The following SECISBP2L variants were observed in gnomAD, a reference collection of about 807,000 sequenced individuals.
SECISBP2L encodes SECIS binding protein 2 like, also known as selenocysteine insertion sequence-binding protein 2-like.
Under a neutral mutation model 114.7 loss-of-function variants are expected in SECISBP2L, and 43 were observed. The ratio of observed to expected loss-of-function variants is 0.38; its 90% CI spans 0.29 to 0.48. SECISBP2L has a LOEUF of 0.48. SECISBP2L is among the 20% of genes least tolerant of loss of function. The pLI is 0.98. For missense variants in SECISBP2L, 1,136 were observed against 1,301.1 expected, an observed-to-expected ratio of 0.87 and a Z score of 1.95; for synonymous variants, 451 against 439.7, an observed-to-expected ratio of 1.03 and a Z score of -0.32.
At chr15:49,015,211 C>T (rs756160502) in intron 11 of SECISBP2L, among the ~76,000 whole-genome samples, 1 of 152,030 alleles carries the variant, frequency 6.6e-6, no homozygotes, top group Non-Finnish European at 1.5e-5. Flanking sequence ...GATTCCAGGG[C>T]CCCTGCTTTT....
chr15:49,002,072 A>G (rs1902223414), intron 14 of SECISBP2L: 1 of 152,202 alleles, frequency 6.6e-6, no homozygotes, highest in Non-Finnish European at 1.5e-5. Flanking sequence ...TTACACTCAC[A>G]CCAAAAGTGT....
chr15:49,017,665 G>C (rs1259114906), intron 8 of SECISBP2L, 37 bp from the exon 9 acceptor site: 1 of 1,441,428 alleles, frequency 6.9e-7, no homozygotes, highest in African/African-American at 1.4e-5. Flanking sequence ...AAGAGTTCAA[G>C]GCAAACTCCT....
chr15:49,001,210 T>A lies in SECISBP2L; in HGVS notation c.2028-113A>T, dbSNP rs548945712. ...AAATATATATGGTAAGAAGTTTTCA[T>A]GAAAAGTCTCTTAAAGAAGTGTTTA... is the stretch of plus-strand genomic sequence containing the variant. On this transcript the variant is annotated intron_variant, in intron 14 of 17. Coordinates refer to ENST00000559471, the MANE Select transcript of SECISBP2L (RefSeq NM_001193489.2). 3.1e-4 allele frequency: 211 copies of A among 688,648 alleles called. No individual in the cohort carries two copies. The African/African-American group carries it at 3.4e-3, about 11-fold the overall frequency. The allele number at this position is 688,648 out of a possible 1,614,324, so 42.7% of individuals were successfully genotyped here. A position where few individuals can be genotyped will look rare whatever the true frequency, so the allele number is the denominator to read the frequency against.
rs66924521 is a variant in SECISBP2L at position 48,994,111 on chromosome 15, G to GA, written c.2624-1186dup. Among the ~76,000 whole-genome samples, 482 of 141,510 alleles carry GA rather than the reference G, an allele frequency of 3.4e-3. 3 individuals are homozygous for GA. The highest frequency in any genetic ancestry group is 9.4e-3 in the African/African-American group (366 of 38,760). 92.8% of individuals were successfully genotyped at this position (141,510 alleles called of 152,430 possible). A position where few individuals can be genotyped will look rare whatever the true frequency, so the allele number is the denominator to read the frequency against. ...CTTTCCACTGTCATTTCTACCTTAT[G>GA]AAAAAAAAAAAATCACCTCCTCCTA... On this transcript the variant is annotated intron_variant, in intron 17 of 17. Coordinates refer to ENST00000559471, the MANE Select transcript of SECISBP2L (RefSeq NM_001193489.2).
intron 4 of SECISBP2L, 78 bp from the exon 5 acceptor site, chr15:49,028,760 G>T (rs1235460491): frequency 4.1e-6 from 5 of 1,218,466 alleles, no homozygotes; most frequent in Non-Finnish European, 5.9e-6. Flanking sequence ...CATTAAGATT[G>T]TAAGAAAATA....
At chr15:49,016,770 C>T (rs1902545225) in intron 10 of SECISBP2L, 69 bp from the exon 11 acceptor site, 1 of 1,536,150 alleles carries the variant, frequency 6.5e-7, no homozygotes, top group Non-Finnish European at 8.8e-7. Flanking sequence ...AAGATGACTA[C>T]ATTTATCACT....
Position 49,046,345 on chromosome 15 carries a change from G to A in SECISBP2L, c.-46C>T, listed in dbSNP as rs1903251048. The A allele has an allele frequency of 6.8e-7, 1 of 1,467,992 alleles. No homozygotes were observed. Among genetic ancestry groups the A allele is most frequent in the Non-Finnish European group, 9.0e-7 (1 of 1,105,322 alleles). The allele number at this position is 1,467,992 out of a possible 1,614,324, so 90.9% of individuals were successfully genotyped here. ...GCCCGCGCTAGTCGGTGTAAACAGC[G>A]CCTCGGGCCGCTTTCTCCATGGCCC... On this transcript the variant is annotated 5_prime_UTR_variant, in exon 1 of 18. Coordinates refer to ENST00000559471, the MANE Select transcript of SECISBP2L (RefSeq NM_001193489.2).
intron 1 of SECISBP2L, among the ~76,000 whole-genome samples, chr15:49,041,041 T>C (rs937403254): frequency 2.0e-5 from 3 of 152,188 alleles, no homozygotes; most frequent in African/African-American, 4.8e-5. Context: ...CTGTGTTTAG[T>C]CTCTCTACTT....
At chr15:49,024,784 A>C (rs1424194420) in intron 7 of SECISBP2L, among the ~76,000 whole-genome samples, 2 of 152,214 alleles carry the variant, frequency 1.3e-5, no homozygotes, top group African/African-American at 4.8e-5. Flanking sequence ...CTCAAAAATC[A>C]AACAAATCAA....
intron 6 of SECISBP2L, 47 bp downstream of exon 6, chr15:49,028,097 G>T: frequency 6.5e-7 from 1 of 1,527,258 alleles, no homozygotes; most frequent in Non-Finnish European, 8.9e-7. Flanking sequence ...ACTCTGATAT[G>T]GACAAAGTAG....
chr15:49,008,214 G>C (rs1902363019), intron 14 of SECISBP2L, among the ~76,000 whole-genome samples: 1 of 152,182 alleles, frequency 6.6e-6, no homozygotes, highest in South Asian at 2.1e-4. Context: ...GGGAAAATCT[G>C]TGCCTGTTCT....
rs74457912 is a variant in SECISBP2L at position 49,011,399 on chromosome 15, T to C, written c.1864+332A>G. ...CCCTAAAAAGAAAGATAGCCAACAG[T>C]ATTTTGGACGTAAAAGAAAACAAAA... is the stretch of plus-strand genomic sequence containing the variant. On this transcript the variant is annotated intron_variant, in intron 13 of 17. Coordinates refer to ENST00000559471, the MANE Select transcript of SECISBP2L (RefSeq NM_001193489.2). 2.5e-5 allele frequency: 5 copies of C among 200,482 alleles called. No individual in the cohort carries two copies. In the East Asian group the frequency reaches 5.5e-4, roughly 22 times the overall value. The allele number at this position is 200,482 out of a possible 1,614,324, so 12.4% of individuals were successfully genotyped here.
intron 7 of SECISBP2L, among the ~76,000 whole-genome samples, chr15:49,020,164 T>G (rs1902612673): frequency 1.3e-5 from 2 of 152,192 alleles, no homozygotes; most frequent in Admixed American, 1.3e-4. Flanking sequence ...GATATTGCAC[T>G]ATAGTTTTGC....
intron 4 of SECISBP2L, among the ~76,000 whole-genome samples, chr15:49,031,658 A>C (rs8029751): frequency 0.68 from 103,286 of 151,972 alleles, 35,586 homozygotes; most frequent in Middle Eastern, 0.75. Flanking sequence ...TAACTGAAGA[A>C]TAAAAATACT....
At chr15:49,032,855 G>T in intron 4 of SECISBP2L, 110 bp downstream of exon 4, 1 of 1,345,746 alleles carries the variant, frequency 7.4e-7, no homozygotes, top group South Asian at 1.5e-5. Flanking sequence ...CAGGACAAAT[G>T]AAAGGATGAA....
At chr15:49,014,557 T>C (rs1197210949) in intron 11 of SECISBP2L, among the ~76,000 whole-genome samples, 1 of 152,112 alleles carries the variant, frequency 6.6e-6, no homozygotes, top group Non-Finnish European at 1.5e-5. Flanking sequence ...CCCTATCTTG[T>C]GTAGTAACAT....
At chr15:49,045,494 C>T (rs921466439) in intron 1 of SECISBP2L, among the ~76,000 whole-genome samples, 5 of 152,112 alleles carry the variant, frequency 3.3e-5, no homozygotes, top group African/African-American at 4.8e-5. Context: ...GTGGAAAATA[C>T]TGGGGGGGAA....
chr15:49,029,911 T>TC (rs1045162176), intron 4 of SECISBP2L, among the ~76,000 whole-genome samples: 1 of 151,660 alleles, frequency 6.6e-6, no homozygotes, highest in Non-Finnish European at 1.5e-5. Context: ...TTTTTTTTTT[T>TC]TTACTTTTAG....
At chr15:49,000,806 C>T (rs1000083169) in intron 15 of SECISBP2L, 71 bp downstream of exon 15, 2 of 1,250,468 alleles carry the variant, frequency 1.6e-6, no homozygotes, top group Non-Finnish European at 2.2e-6. Context: ...AGACATATGG[C>T]TTCTACTTTA....
Sources: gnomAD v4.1 joint callset for allele counts (sites outside exome capture counted in the v4.1 genomes callset) on GRCh38, gnomAD v4.1.1 for gene constraint, MANE v1.5 for transcripts, NCBI Gene and HGNC (gene_info 2026-07-23, HGNC 2026-07-21) for gene names.